Variants in STK32B observed in about 807,000 individuals in gnomAD.
STK32B encodes serine/threonine kinase 32B.
Under a neutral mutation model 52.6 loss-of-function variants are expected in STK32B, and 43 were observed. That is an observed-to-expected ratio of 0.82 (90% CI 0.64 to 1.05). The LOEUF is 1.05. Ranked by LOEUF, STK32B falls within the 50% of genes least tolerant of loss-of-function variation. The pLI is 0.00. For synonymous variants in STK32B, 238 were observed against 204.3 expected, an observed-to-expected ratio of 1.17 and a Z score of -1.41; for missense variants, 621 against 534.6, an observed-to-expected ratio of 1.16 and a Z score of -1.59.
intron 1 of STK32B, among the ~76,000 whole-genome samples, chr4:5,137,934 G>A (rs1170239219): frequency 6.6e-6 from 1 of 151,992 alleles, no homozygotes; most frequent in Non-Finnish European, 1.5e-5. Context: ...CAGGGAACCC[G>A]TGATGTTCAT....
intron 1 of STK32B, among the ~76,000 whole-genome samples, chr4:5,133,658 T>G (rs1159273583): frequency 1.3e-5 from 2 of 152,192 alleles, no homozygotes; most frequent in Non-Finnish European, 2.9e-5. Context: ...GATTATATAA[T>G]AGTCTTATTC....
intron 4 of STK32B, among the ~76,000 whole-genome samples, chr4:5,355,536 C>A (rs1734116790): frequency 6.6e-6 from 1 of 152,186 alleles, no homozygotes; most frequent in Non-Finnish European, 1.5e-5. Context: ...TCTGAAGGCA[C>A]TGGCAGAATT....
chr4:5,156,275 C>A (rs1542202), intron 2 of STK32B, among the ~76,000 whole-genome samples: 130,370 of 151,646 alleles, frequency 0.86, 56,134 homozygotes, highest in East Asian at 0.98. Context: ...AATATAAATG[C>A]ATGAATATTA....
chr4:5,101,696 C>T (rs1030161265), intron 1 of STK32B, among the ~76,000 whole-genome samples: 12 of 152,068 alleles, frequency 7.9e-5, no homozygotes, highest in African/African-American at 2.9e-4. Flanking sequence ...CTTTAATTTG[C>T]ATTTCCACCC....
chr4:5,298,319 G>A (rs1176536656), intron 3 of STK32B, among the ~76,000 whole-genome samples: 1 of 152,182 alleles, frequency 6.6e-6, no homozygotes, highest in Non-Finnish European at 1.5e-5. Flanking sequence ...CACTGTGCTG[G>A]AAGATCTGCT....
chr4:5,107,389 C>T (rs979094917), intron 1 of STK32B, among the ~76,000 whole-genome samples: 3 of 152,122 alleles, frequency 2.0e-5, no homozygotes, highest in Non-Finnish European at 4.4e-5. Context: ...GTGCTTGAGT[C>T]ATTCCGAAAT....
At chr4:5,192,667 G>T (rs1325911694) in intron 3 of STK32B, among the ~76,000 whole-genome samples, 1 of 152,176 alleles carries the variant, frequency 6.6e-6, no homozygotes, top group African/African-American at 2.4e-5. Context: ...ACTATGAAAT[G>T]ATTACCACAC....
intron 11 of STK32B, among the ~76,000 whole-genome samples, chr4:5,477,539 C>T (rs540851445): frequency 5.9e-5 from 9 of 152,302 alleles, no homozygotes; most frequent in African/African-American, 2.2e-4. Flanking sequence ...TAACCAGGTA[C>T]AAATGCACAG....
rs1325045563 is a variant in STK32B at position 5,167,279 on chromosome 4, G to T, written c.109-1020G>T. 2.6e-5 allele frequency among the ~76,000 whole-genome samples: 4 copies of T among 152,214 alleles called. No homozygotes were observed. The South Asian group carries it at 8.3e-4, about 32-fold the overall frequency. ...CCCCCACCCTGCCACTTGGTGGTTT[G>T]TTGAACTCTGAACAAGTTAATTAGT... On this transcript the variant is annotated intron_variant, in intron 2 of 11. Coordinates refer to ENST00000282908, the MANE Select transcript of STK32B (RefSeq NM_018401.3).
At chr4:5,236,625 C>G (rs1418989511) in intron 3 of STK32B, among the ~76,000 whole-genome samples, 1 of 152,208 alleles carries the variant, frequency 6.6e-6, no homozygotes, top group Admixed American at 6.5e-5. Context: ...GCCTGGCACA[C>G]AGAACAAAGT....
chr4:5,488,061 C>G (rs1312043067), intron 11 of STK32B, among the ~76,000 whole-genome samples: 1 of 152,162 alleles, frequency 6.6e-6, no homozygotes, highest in East Asian at 1.9e-4. Context: ...AAACAATGTA[C>G]AGAGTTACAA....
intron 6 of STK32B, among the ~76,000 whole-genome samples, chr4:5,417,226 A>G (rs1195102895): frequency 6.6e-6 from 1 of 152,290 alleles, no homozygotes; most frequent in East Asian, 1.9e-4. Flanking sequence ...TTTCTTTTCC[A>G]TTTATGTTCA....
At chr4:5,215,785 G>C (rs1723147556) in intron 3 of STK32B, among the ~76,000 whole-genome samples, 1 of 152,090 alleles carries the variant, frequency 6.6e-6, no homozygotes, top group African/African-American at 2.4e-5. Flanking sequence ...AGATGGATGG[G>C]AACTTAGACA....
At chr4:5,385,920 C>T (rs867346601) in intron 4 of STK32B, among the ~76,000 whole-genome samples, 35 of 146,804 alleles carry the variant, frequency 2.4e-4, no homozygotes, top group African/African-American at 7.7e-4. Flanking sequence ...CATTCCCCAC[C>T]CACAGCCCCA....
intron 1 of STK32B, among the ~76,000 whole-genome samples, chr4:5,137,115 AGAG>A (rs1716123503): frequency 6.6e-6 from 1 of 152,246 alleles, no homozygotes; most frequent in Admixed American, 6.5e-5. Context: ...GAGACATGAC[AGAG>A]GAGGAGGTTG....
intron 4 of STK32B, among the ~76,000 whole-genome samples, chr4:5,379,348 C>T (rs979377661): frequency 6.6e-5 from 10 of 152,096 alleles, no homozygotes; most frequent in Admixed American, 2.0e-4. Flanking sequence ...GTGCTGACTG[C>T]GTGCTCCCCT....
At chr4:5,228,470 T>A (rs1052844691) in intron 3 of STK32B, among the ~76,000 whole-genome samples, 3 of 152,250 alleles carry the variant, frequency 2.0e-5, no homozygotes, top group Admixed American at 1.3e-4. Context: ...GGATAGCTTA[T>A]CCTGAATATG....
intron 1 of STK32B, among the ~76,000 whole-genome samples, chr4:5,070,731 G>C (rs1362301758): frequency 2.6e-5 from 4 of 152,170 alleles, no homozygotes; most frequent in Non-Finnish European, 5.9e-5. Context: ...TCTCAGAGCA[G>C]CATCGCTCTC....
chr4:5,239,951 A>G (rs1282984350), intron 3 of STK32B, among the ~76,000 whole-genome samples: 2 of 151,862 alleles, frequency 1.3e-5, no homozygotes, highest in African/African-American at 2.4e-5. Flanking sequence ...CGCAAGGTTA[A>G]CTCACCTGGC....
Sources: allele counts gnomAD v4.1 joint callset (sites outside exome capture counted in the v4.1 genomes callset), GRCh38; gene constraint gnomAD v4.1.1; transcripts MANE v1.5; gene names NCBI Gene and HGNC (gene_info 2026-07-23, HGNC 2026-07-21).